Variants in TAF1 observed in about 807,000 individuals in gnomAD.
TAF1 encodes the protein TATA-box binding protein associated factor 1, also known as transcription initiation factor TFIID subunit 1.
TAF1 carries 2 observed loss-of-function variants against 138.5 expected under a neutral mutation model. The observed-to-expected ratio is 0.01, with a 90% CI of 0.01 to 0.05. The LOEUF (loss-of-function observed/expected upper bound fraction) is 0.05. TAF1 is among the 10% of genes least tolerant of loss of function. The pLI, the probability that TAF1 is intolerant of heterozygous loss-of-function variation, is 1.00. For missense variants in TAF1, 709 were observed against 1,478.0 expected (o/e 0.48, Z 8.53); for synonymous variants, 437 against 503.2 (o/e 0.87, Z 1.76).
chrX:71,430,847 C>T (rs988706053), intron 32 of TAF1, among the ~76,000 whole-genome samples: 3 of 110,520 alleles, frequency 2.7e-5, no homozygotes, highest in African/African-American at 9.9e-5. Context: ...CTGACTTGGG[C>T]AACAGGTGGT....
chrX:71,439,114 T>G (rs1487896490), intron 32 of TAF1, among the ~76,000 whole-genome samples: 1 of 111,891 alleles, frequency 8.9e-6, no homozygotes, highest in African/African-American at 3.3e-5. Context: ...GCCAAACATT[T>G]CCTCTTGGAT....
At chrX:71,459,520 T>G in intron 35 of TAF1, 32 bp from the exon 36 acceptor site, 1 of 1,205,841 alleles carries the variant, frequency 8.3e-7, no homozygotes, top group Non-Finnish European at 1.1e-6. Flanking sequence ...GGTCAGTTGA[T>G]AGGACTTTGA....
intron 13 of TAF1, among the ~76,000 whole-genome samples, chrX:71,483,778 CTCTATATATA>C (rs2039120460): frequency 1.8e-5 from 1 of 54,150 alleles, no homozygotes; most frequent in Non-Finnish European, 3.2e-5. Context: ...CTCTCTCTCT[CTCTATATATA>C]TATATATATA....
intron 32 of TAF1, among the ~76,000 whole-genome samples, chrX:71,432,097 T>G (rs992235613): frequency 9.1e-6 from 1 of 110,113 alleles, no homozygotes; most frequent in African/African-American, 3.3e-5. Context: ...GTTATTGAAG[T>G]GGTAGGATAA....
chrX:71,386,342 T>G (rs2034224971), intron 14 of TAF1, among the ~76,000 whole-genome samples: 1 of 111,826 alleles, frequency 8.9e-6, no homozygotes, highest in African/African-American at 3.3e-5. Flanking sequence ...ATCCCTATCT[T>G]GCCTCTACTT....
intron 28 of TAF1, among the ~76,000 whole-genome samples, chrX:71,417,718 G>A (rs1016456546): frequency 1.8e-5 from 2 of 111,445 alleles, no homozygotes; most frequent in Admixed American, 9.6e-5. Flanking sequence ...GTGTTGTGCT[G>A]TCAGCAGTAA....
chrX:71,489,505 C>T lies in TAF1; in HGVS notation c.1366+28702C>T, dbSNP rs187266888. Among the ~76,000 whole-genome samples, 353 of 109,755 alleles carry T rather than the reference C, an allele frequency of 3.2e-3. 1 individual carries two copies. Among genetic ancestry groups the T allele is most frequent in the African/African-American group, 0.011 (329 of 30,128 alleles). ...CAGCCTGACCAACATGGAGAAACCC[C>T]GTCTCTACTGAAAATACAAAATTAG... On this transcript the variant is annotated intron_variant and NMD_transcript_variant, in intron 13 of 14. Transcript: ENST00000373775.
intron 14 of TAF1, among the ~76,000 whole-genome samples, chrX:71,386,717 G>A (rs1440896673): frequency 3.5e-5 from 4 of 112,754 alleles, no homozygotes; most frequent in African/African-American, 9.7e-5. Flanking sequence ...TACCTGCCTC[G>A]GCTTCCCAAA....
downstream of TAF1, among the ~76,000 whole-genome samples, chrX:71,469,333 A>G (rs1260695203): frequency 2.7e-5 from 3 of 111,691 alleles, no homozygotes; most frequent in Non-Finnish European, 5.6e-5. Flanking sequence ...TCATAACATA[A>G]TAAGTGAGAC....
intron 32 of TAF1, among the ~76,000 whole-genome samples, chrX:71,439,227 A>G (rs1165666586): frequency 9.0e-6 from 1 of 110,714 alleles, no homozygotes. Context: ...TACTTGAATC[A>G]CTCATTTACA....
chrX:71,495,884 A>G (rs2039387068), intron 13 of TAF1, among the ~76,000 whole-genome samples: 1 of 112,141 alleles, frequency 8.9e-6, no homozygotes, highest in Non-Finnish European at 1.9e-5. Flanking sequence ...AGGATAATAC[A>G]TGTTACACTG....
Position 71,408,142 on chromosome X carries a change from A to T in TAF1, c.4375A>T (p.Thr1459Ser). The T allele has an allele frequency of 8.3e-7, 1 of 1,210,681 alleles. No homozygotes were observed. Among genetic ancestry groups the T allele is most frequent in the Non-Finnish European group, 1.1e-6 (1 of 895,166 alleles). The change falls in exon 28 of 38, where the codon ACC becomes TCC. Residue 1459 changes from threonine to serine, a missense_variant. By Grantham distance (58) the Thr-to-Ser change is moderately conservative. This residue lies in a region of TAF1 where 63 missense variants were observed against 163.3 expected (regional missense o/e 0.39). Transcript: ENST00000423759. ...HLELIVKNSA[T>S]YNGPKHSLTQ... The stretch of plus-strand genomic sequence containing the variant: ...GGAGCTAATTGTGAAAAATAGTGCA[A>T]CCTACAATGGTAAGAATCAAATGTT...
chrX:71,398,549 C>T (rs200625800), intron 23 of TAF1, 23 bp from the exon 24 acceptor site: 3 of 1,200,691 alleles, frequency 2.5e-6, no homozygotes, highest in Non-Finnish European at 1.1e-6. Flanking sequence ...GATTTTTCTT[C>T]CTCTGCTGCT....
chrX:71,394,317 GT>G (rs1302226671), intron 22 of TAF1, 72 bp downstream of exon 22: 1 of 1,072,583 alleles, frequency 9.3e-7, no homozygotes, highest in African/African-American at 1.9e-5. Flanking sequence ...ACTGCAGACT[GT>G]AATTGAGGGA....
At chrX:71,396,040 T>C (rs1350361395) in intron 22 of TAF1, among the ~76,000 whole-genome samples, 4 of 108,900 alleles carry the variant, frequency 3.7e-5, no homozygotes, top group Non-Finnish European at 7.6e-5. Flanking sequence ...TCCCAGCTAC[T>C]TGTGAGGCTG....
intron 13 of TAF1, chrX:71,527,810 T>A (rs1381791451): frequency 6.6e-6 from 1 of 150,556 alleles, no homozygotes; most frequent in African/African-American, 3.1e-5. Context: ...GTTTTCATAA[T>A]CCTTTAGCAA....
Position 71,407,985 on chromosome X carries a change from C to T in TAF1, c.4218C>T (p.Phe1406=). The part of the protein sequence containing the change: ...DMRDLPNTYP[F]HTPVNAKVVK... Reference sequence around the variant, plus strand: ...GCCCTTGTTTGCAGACATACCCTTTCCACACTCCAGTCAATGCAAAGGTTG... The same window carrying T: ...GCCCTTGTTTGCAGACATACCCTTTTCACACTCCAGTCAATGCAAAGGTTG... Residue 1406 remains phenylalanine, a synonymous_variant, in exon 28 of 38, where the codon TTC becomes TTT. Transcript: ENST00000423759. 1.7e-6 allele frequency: 2 copies of T among 1,210,208 alleles called. No individual in the cohort carries two copies. The highest frequency in any genetic ancestry group is 1.1e-6 in the Non-Finnish European group (1 of 895,018).
At chrX:71,463,085 C>G (rs955180351) in intron 37 of TAF1, among the ~76,000 whole-genome samples, 1 of 110,954 alleles carries the variant, frequency 9.0e-6, no homozygotes, top group African/African-American at 3.3e-5. Context: ...GTGAAGAGGG[C>G]AGATTTCCTG....
At chrX:71,423,091 C>T (rs761063022) in intron 29 of TAF1, 26 bp from the exon 30 acceptor site, 2 of 1,210,260 alleles carry the variant, frequency 1.7e-6, no homozygotes, top group Non-Finnish European at 1.1e-6. Context: ...AAACCTCTGT[C>T]TTGGCTTTGC....
Sources: allele counts gnomAD v4.1 joint callset (sites outside exome capture counted in the v4.1 genomes callset), GRCh38; gene constraint gnomAD v4.1.1; regional missense constraint gnomAD v4.1.1; transcripts MANE v1.5; gene names NCBI Gene and HGNC (gene_info 2026-07-23, HGNC 2026-07-21).